Variants in USP42 observed in about 807,000 individuals in gnomAD.
USP42 encodes ubiquitin specific peptidase 42, also known as ubiquitin carboxyl-terminal hydrolase 42.
A neutral mutation model predicts 113.0 loss-of-function variants in USP42; 23 were observed. That is an observed-to-expected ratio of 0.20 (90% CI 0.15 to 0.29). The LOEUF is 0.29. Ranked by LOEUF, USP42 falls within the 10% of genes least tolerant of loss-of-function variation. The pLI is 1.00. For synonymous variants in USP42, 933 were observed against 699.0 expected, an observed-to-expected ratio of 1.33 and a Z score of -5.28; for missense variants, 2,174 against 1,779.8, an observed-to-expected ratio of 1.22 and a Z score of -3.99.
Position 6,122,750 on chromosome 7 carries a change from G to A in USP42, c.442+7227G>A, listed in dbSNP as rs140449262. On this transcript the variant is annotated intron_variant, in intron 3 of 17. Transcript: ENST00000306177. ...CTCCCAAAGTGCTGGGATTACAGGC[G>A]TGAGTCACTGTGTCCAGCCTAATTT... Among the ~76,000 whole-genome samples the A allele has an allele frequency of 3.0e-4, 45 of 150,370 alleles. No homozygotes were observed. The East Asian group carries it at 7.0e-3, about 23-fold the overall frequency.
the USP42 span, among the ~76,000 whole-genome samples, chr7:6,094,683 C>CTT: frequency 6.6e-6 from 1 of 151,176 alleles, no homozygotes; most frequent in African/African-American, 2.5e-5. Flanking sequence ...GCCTTGCATC[C>CTT]TTTAACCCTC....
chr7:6,131,440 C>T (rs890667500), intron 3 of USP42, among the ~76,000 whole-genome samples: 1 of 152,124 alleles, frequency 6.6e-6, no homozygotes, highest in Admixed American at 6.6e-5. Context: ...CGCCACTGCA[C>T]TCCAGCCTGG....
chr7:6,115,034 AT>A (rs1383968375), intron 2 of USP42, among the ~76,000 whole-genome samples: 4 of 151,880 alleles, frequency 2.6e-5, no homozygotes, highest in African/African-American at 9.7e-5. Flanking sequence ...CAGCATCCAA[AT>A]GAAGTCTACA....
upstream of USP42, among the ~76,000 whole-genome samples, chr7:6,102,613 AGGTGTGGTG>A (rs1177586619): frequency 5.9e-4 from 89 of 150,780 alleles, 4 homozygotes; most frequent in African/African-American, 2.1e-3. Flanking sequence ...AAGATTAGCC[AGGTGTGGTG>A]GGCTGTGCCT....
the USP42 span, among the ~76,000 whole-genome samples, chr7:6,097,421 T>C: frequency 3.8e-5 from 5 of 133,176 alleles, no homozygotes; most frequent in African/African-American, 1.5e-4. Flanking sequence ...GACAGGCTCA[T>C]GCACTGTTGC....
chr7:6,123,217 A>T (rs1780334325), intron 3 of USP42, among the ~76,000 whole-genome samples: 1 of 152,122 alleles, frequency 6.6e-6, no homozygotes, highest in Non-Finnish European at 1.5e-5. Context: ...AATCTACTTC[A>T]TCTGAGATAA....
chr7:6,097,507 A>C, the USP42 span, among the ~76,000 whole-genome samples: 1 of 150,146 alleles, frequency 6.7e-6, no homozygotes, highest in South Asian at 2.1e-4. Flanking sequence ...CCTGGCCTCA[A>C]GTGATCCTCC....
chr7:6,134,738 GGCCAGCAAC>G (rs1230478063), intron 3 of USP42, among the ~76,000 whole-genome samples: 2 of 152,108 alleles, frequency 1.3e-5, no homozygotes, highest in Non-Finnish European at 2.9e-5. Context: ...CACCATCTGT[GGCCAGCAAC>G]GCCAGAGTAT....
rs1374073951 is a variant in USP42 at position 6,149,004 on chromosome 7, G to A, written c.1387-579G>A. 2.6e-5 allele frequency among the ~76,000 whole-genome samples: 4 copies of A among 152,186 alleles called. No homozygotes were observed. In the East Asian group the frequency reaches 7.7e-4, roughly 29 times the overall value. On this transcript the variant is annotated intron_variant, in intron 12 of 17. Coordinates refer to ENST00000306177, the MANE Select transcript of USP42 (RefSeq NM_032172.3). ...CAGGTATGTGAGGAGACGCTGGGAA[G>A]GCCACACGTGATCTGTTAACTGACT...
At chr7:6,149,200 G>A (rs1001911187) in intron 12 of USP42, among the ~76,000 whole-genome samples, 14 of 152,136 alleles carry the variant, frequency 9.2e-5, no homozygotes, top group African/African-American at 2.7e-4. Flanking sequence ...CCTTTGCTCC[G>A]AGGCGAGGGT....
At position 6,139,802 on chromosome 7, in the gene USP42, G is replaced by T; in HGVS notation, c.657-326G>T. 2 of 405,854 alleles carry T rather than the reference G, an allele frequency of 4.9e-6. No individual in the cohort carries two copies. The highest frequency in any genetic ancestry group is 2.5e-5 in the South Asian group (1 of 40,196). 25.1% of individuals were successfully genotyped at this position (405,854 alleles called of 1,614,324 possible). On this transcript the variant is annotated intron_variant, in intron 5 of 17. Coordinates refer to ENST00000306177, the MANE Select transcript of USP42 (RefSeq NM_032172.3). This position sits in a 1 kb window ranked among gnomAD's most constrained non-coding sequence, Gnocchi z 4.5. Reference sequence around the variant, plus strand: ...AAGACTCTCTGCCTTTTCCGCCTCCGCTCCCTTTCCTCCCACACAGGCCGC... The same window carrying T: ...AAGACTCTCTGCCTTTTCCGCCTCCTCTCCCTTTCCTCCCACACAGGCCGC...
At chr7:6,152,405 C>T (rs781588395) in intron 14 of USP42, among the ~76,000 whole-genome samples, 5 of 152,226 alleles carry the variant, frequency 3.3e-5, no homozygotes, top group African/African-American at 7.2e-5. Context: ...GTGACACACC[C>T]GTAGTTTTTA....
In USP42 at chr7:6,149,721, A is replaced by G. The variant is rs767009802; in HGVS notation, c.1525A>G (p.Arg509Gly). The G allele has an allele frequency of 1.2e-6, 2 of 1,614,014 alleles. No homozygotes were observed. Among genetic ancestry groups the G allele is most frequent in the South Asian group, 2.2e-5 (2 of 91,078 alleles). Residue 509 changes from arginine (R) to glycine (G), a missense_variant, in exon 13 of 18, where the codon AGG becomes GGG. Coordinates refer to ENST00000306177, the MANE Select transcript of USP42 (RefSeq NM_032172.3). ...TTCTGTCCAAAACTGGTCAGTTAAT[A>G]GGTCCTCAGTGATCCCAGAACATCC... Reference protein sequence around the residue: ...SASVQNWSVNRSSVIPEHPKK... With the variant: ...SASVQNWSVNGSSVIPEHPKK...
the USP42 span, among the ~76,000 whole-genome samples, chr7:6,086,237 G>A: frequency 1.6e-4 from 21 of 133,770 alleles, no homozygotes; most frequent in East Asian, 2.6e-3. Context: ...ACAGAGTCTC[G>A]CTCTGTCGCC....
intron 3 of USP42, among the ~76,000 whole-genome samples, chr7:6,131,165 C>T (rs1780831364): frequency 1.3e-5 from 2 of 152,110 alleles, no homozygotes; most frequent in African/African-American, 2.4e-5. Flanking sequence ...TGAGGGGCAG[C>T]CTCTCCCCAG....
At chr7:6,132,942 A>T (rs897373023) in intron 3 of USP42, among the ~76,000 whole-genome samples, 1 of 152,214 alleles carries the variant, frequency 6.6e-6, no homozygotes, top group Non-Finnish European at 1.5e-5. Context: ...AAGTGCTGGG[A>T]TTACAGGCGT....
At chr7:6,156,671 A>G (rs1483178275) in intron 15 of USP42, 83 bp from the exon 16 acceptor site, 3 of 1,450,778 alleles carry the variant, frequency 2.1e-6, no homozygotes, top group Admixed American at 2.9e-5. Context: ...TTCTCGGTGA[A>G]TGGGTGGAAA....
intron 3 of USP42, among the ~76,000 whole-genome samples, chr7:6,119,297 A>G (rs535362068): frequency 1.3e-5 from 2 of 152,154 alleles, no homozygotes; most frequent in South Asian, 4.2e-4. Flanking sequence ...ACATTGTGAG[A>G]CCTCGTCTTT....
chr7:6,136,913 A>G (rs575096251), intron 4 of USP42, among the ~76,000 whole-genome samples: 1 of 151,164 alleles, frequency 6.6e-6, no homozygotes, highest in Non-Finnish European at 1.5e-5. Flanking sequence ...AGCTGGGATT[A>G]CAGATGTGCA....
Sources: gnomAD v4.1 joint callset for allele counts (sites outside exome capture counted in the v4.1 genomes callset) on GRCh38, gnomAD v4.1.1 for gene constraint, Gnocchi (gnomAD v3.1) non-coding constraint, MANE v1.5 for transcripts, NCBI Gene and HGNC (gene_info 2026-07-23, HGNC 2026-07-21) for gene names.